Variants in AFM observed in about 807,000 individuals in gnomAD.
The protein encoded by AFM is afamin, also known as alpha-Alb.
Under a neutral mutation model 68.7 loss-of-function variants are expected in AFM, and 82 were observed. The ratio of observed to expected loss-of-function variants is 1.19; its 90% CI spans 1.00 to 1.43. AFM has a LOEUF of 1.43. Among genes scored for constraint, AFM ranks in the 40% most tolerant of loss-of-function variants. The pLI, the probability that AFM is intolerant of heterozygous loss-of-function variation, is 0.00. For missense variants in AFM, 772 were observed against 701.8 expected, an observed-to-expected ratio of 1.10 and a Z score of -1.13; for synonymous variants, 250 against 234.2, an observed-to-expected ratio of 1.07 and a Z score of -0.61.
chr4:73,486,035 C>A lies in AFM; in HGVS notation c.444C>A (p.Cys148Ter). ...CTACCCTGGATCCCGAAGAGAAATGCCAGGCTTATGAAAGTAACAGAGAAT... is the reference window on the plus strand; with the variant it reads ...CTACCCTGGATCCCGAAGAGAAATGACAGGCTTATGAAAGTAACAGAGAAT... ...PFPTLDPEEK[C>*]QAYESNRESL... Residue 148 changes from cysteine (C) to a stop codon, truncating the protein, a stop_gained, in exon 4 of 15, where the codon TGC becomes TGA. Transcript: ENST00000226355. LOFTEE classifies it high-confidence loss of function. 1.2e-6 allele frequency: 2 copies of A among 1,613,888 alleles called. No individual in the cohort carries two copies. Among genetic ancestry groups the A allele is most frequent in the Non-Finnish European group, 1.7e-6 (2 of 1,179,890 alleles).
chr4:73,490,187 CAAA>C (rs374246384), intron 7 of AFM, among the ~76,000 whole-genome samples: 8 of 92,814 alleles, frequency 8.6e-5, no homozygotes, highest in Admixed American at 1.1e-4. Context: ...AACCTTATTT[CAAA>C]AAAAAAAAAA....
In AFM at chr4:73,496,278, A is replaced by G. The variant is rs146732702; in HGVS notation, c.1191+846A>G. On this transcript the variant is annotated intron_variant, in intron 9 of 14. Transcript: ENST00000226355. Reference sequence around the variant, plus strand: ...AGACTTGAAAATAAACTTCTTTTTAAATGATGGTATCCCATCATAATTATT... The same window carrying G: ...AGACTTGAAAATAAACTTCTTTTTAGATGATGGTATCCCATCATAATTATT... Among the ~76,000 whole-genome samples, 536 of 152,256 alleles carry G rather than the reference A, an allele frequency of 3.5e-3. 6 individuals are homozygous for G. The highest frequency in any genetic ancestry group is 0.012 in the African/African-American group (500 of 41,556).
chr4:73,486,939 TTCTC>T lies in AFM; in HGVS notation c.483-24_483-21del, dbSNP rs780551894. On this transcript the variant is annotated intron_variant, in intron 4 of 14. Coordinates refer to ENST00000226355, the MANE Select transcript of AFM (RefSeq NM_001133.2). The stretch of plus-strand genomic sequence containing the variant: ...CTTCCTGTTTCTTCCCTCACCCGTC[TTCTC>T]TCTTTCATTTTTATTTTTTATAGCT... 63 of 1,604,988 alleles carry T rather than the reference TTCTC, an allele frequency of 3.9e-5. No individual in the cohort carries two copies. In the East Asian group the frequency reaches 1.4e-3, roughly 35 times the overall value.
Position 73,501,003 on chromosome 4 carries a change from C to T in AFM, c.1646+776C>T, listed in dbSNP as rs553208429. 5.9e-5 allele frequency among the ~76,000 whole-genome samples: 9 copies of T among 152,042 alleles called. No individual in the cohort carries two copies. In the South Asian group the frequency reaches 1.2e-3, roughly 21 times the overall value. On this transcript the variant is annotated intron_variant, in intron 12 of 14. Coordinates refer to ENST00000226355, the MANE Select transcript of AFM (RefSeq NM_001133.2). ...ATTCTTAGATCGAAGGATGGGCATA[C>T]GGGACTTATTACATTTTCCTCTTTG...
intron 1 of AFM, among the ~76,000 whole-genome samples, chr4:73,483,171 T>A (rs577855848): frequency 6.6e-6 from 1 of 152,338 alleles, no homozygotes; most frequent in African/African-American, 2.4e-5. Context: ...CTCTTACATT[T>A]ACTCATGCTC....
intron 9 of AFM, 152 bp from the exon 10 acceptor site, chr4:73,497,500 G>T: frequency 2.5e-6 from 1 of 402,336 alleles, no homozygotes; most frequent in Non-Finnish European, 4.3e-6. Context: ...TTAAGTTCTT[G>T]CACGTGCTTG....
chr4:73,491,669 C>A (rs186790060), intron 7 of AFM, among the ~76,000 whole-genome samples: 1 of 152,270 alleles, frequency 6.6e-6, no homozygotes, highest in African/African-American at 2.4e-5. Flanking sequence ...ATTATATCAT[C>A]TTAAATCCTG....
chr4:73,491,059 C>T (rs573590187), intron 7 of AFM, among the ~76,000 whole-genome samples: 1 of 152,214 alleles, frequency 6.6e-6, no homozygotes, highest in South Asian at 2.1e-4. Context: ...TGCTGTAACT[C>T]AACATAATTC....
intron 10 of AFM, 56 bp downstream of exon 10, chr4:73,497,805 C>A: frequency 1.8e-6 from 2 of 1,112,200 alleles, no homozygotes; most frequent in South Asian, 3.2e-5. Context: ...ATACATAATC[C>A]CTCGAAGCGT....
chr4:73,490,335 CTCCTAACTGT>C (rs1230215248), intron 7 of AFM, among the ~76,000 whole-genome samples: 1 of 152,098 alleles, frequency 6.6e-6, no homozygotes, highest in Non-Finnish European at 1.5e-5. Context: ...ATTATTTTTG[CTCCTAACTGT>C]ACCCAAGTTA....
At chr4:73,499,290 T>A (rs11947028) in intron 11 of AFM, 44 bp downstream of exon 11, 55,309 of 1,035,062 alleles carry the variant, frequency 0.053, 1,601 homozygotes, top group East Asian at 0.14. Flanking sequence ...TTTTTTTTTT[T>A]AAAAAAAAGA....
rs561835861 is a variant in AFM at position 73,481,814 on chromosome 4, G to GT, written c.47dup (p.Leu16PhefsTer3). 1,879 of 1,602,720 alleles carry GT rather than the reference G, an allele frequency of 1.2e-3. 3 individuals carry two copies. Among genetic ancestry groups the GT allele is most frequent in the Admixed American group, 2.2e-3 (130 of 58,740 alleles). On this transcript the variant is annotated frameshift_variant, in exon 1 of 15. Coordinates refer to ENST00000226355, the MANE Select transcript of AFM (RefSeq NM_001133.2). LOFTEE classifies it high-confidence loss of function. ...AACTTACAGGTTTTATTTTTTTCTT[G>GT]TTTTTTTTGACTGAATCCCTAACCC... is the stretch of plus-strand genomic sequence containing the variant.
intron 8 of AFM, among the ~76,000 whole-genome samples, chr4:73,494,925 C>A (rs10213305): frequency 0.61 from 92,800 of 152,124 alleles, 29,757 homozygotes; most frequent in Non-Finnish European, 0.72. Flanking sequence ...ATATTCCCAG[C>A]ATGTCAAGTT....
chr4:73,485,944 A>ATTTCTCACAC lies in AFM; in HGVS notation c.354_355insTTCTCACACT (p.Ala119PhefsTer13), dbSNP rs1720889650. The ATTTCTCACAC allele has an allele frequency of 6.2e-7, 1 of 1,614,146 alleles. No homozygotes were observed. Among genetic ancestry groups the ATTTCTCACAC allele is most frequent in the African/African-American group, 1.3e-5 (1 of 75,044 alleles). ...TTCTCACACTGCTGCAGTAAGGTTG[A>ATTTCTCACAC]TGCTCAAAGAAGACTCTGTTTCTTC... is the stretch of plus-strand genomic sequence containing the variant. On this transcript the variant is annotated frameshift_variant, in exon 4 of 15. Transcript: ENST00000226355. LOFTEE classifies it high-confidence loss of function.
chr4:73,498,062 T>C (rs1721306054), intron 10 of AFM, among the ~76,000 whole-genome samples: 1 of 152,196 alleles, frequency 6.6e-6, no homozygotes, highest in African/African-American at 2.4e-5. Context: ...AGTGGGACAC[T>C]GCATATTTCA....
chr4:73,487,062 G>A lies in AFM; in HGVS notation c.578G>A (p.Cys193Tyr), dbSNP rs767720156. The A allele has an allele frequency of 3.1e-6, 5 of 1,613,982 alleles. No homozygotes were observed. In the South Asian group the frequency reaches 4.4e-5, roughly 14 times the overall value. The change falls in exon 5 of 15, where the codon TGT (cysteine) becomes TAT (tyrosine). Residue 193 changes from cysteine (C) to tyrosine (Y), a missense_variant. Coordinates refer to ENST00000226355, the MANE Select transcript of AFM (RefSeq NM_001133.2). Reference sequence around the variant, plus strand: ...TTTGAGGAGGTGGCCAAATCATGTTGTGAAGAACAAAACAAAGTCAACTGC... The same window carrying A: ...TTTGAGGAGGTGGCCAAATCATGTTATGAAGAACAAAACAAAGTCAACTGC... ...VHFEEVAKSCCEEQNKVNCLQ... is the reference protein window; with the variant it reads ...VHFEEVAKSCYEEQNKVNCLQ...
At chr4:73,484,452 T>TTC (rs879202253) in intron 3 of AFM, 62 bp downstream of exon 3, 9 of 334,338 alleles carry the variant, frequency 2.7e-5, no homozygotes, top group African/African-American at 1.8e-4. Flanking sequence ...CTTTCTTTCT[T>TTC]TCTTTCTTTC....
Position 73,495,350 on chromosome 4 carries a change from T to C in AFM, c.1109T>C (p.Leu370Pro). The change falls in exon 9 of 15, where the codon CTT becomes CCT. Residue 370 changes from leucine to proline, a missense_variant. By Grantham distance (98) the Leu-to-Pro change is moderately conservative. Coordinates refer to ENST00000226355, the MANE Select transcript of AFM (RefSeq NM_001133.2). ...CATCCAGACCTGTCTATACCAGAGC[T>C]TTTAAGAATTGTTCAAATATACAAA... ...RRHPDLSIPE[L>P]LRIVQIYKDL... is the part of the protein sequence containing the mutation. The C allele has an allele frequency of 6.2e-7, 1 of 1,613,180 alleles. No individual in the cohort carries two copies. Among genetic ancestry groups the C allele is most frequent in the Non-Finnish European group, 8.5e-7 (1 of 1,179,720 alleles).
chr4:73,498,954 G>A (rs1721337285), intron 10 of AFM, among the ~76,000 whole-genome samples, 160 bp from the exon 11 acceptor site: 1 of 152,108 alleles, frequency 6.6e-6, no homozygotes, highest in Non-Finnish European at 1.5e-5. Context: ...CAGGAAAACA[G>A]GAAGTAAAGA....
Sources: gnomAD v4.1 joint callset for allele counts (sites outside exome capture counted in the v4.1 genomes callset) on GRCh38, gnomAD v4.1.1 for gene constraint, MANE v1.5 for transcripts, NCBI Gene and HGNC (gene_info 2026-07-23, HGNC 2026-07-21) for gene names.